The following ANO2 variants were observed in gnomAD, a reference collection of about 807,000 sequenced individuals.
ANO2 encodes anoctamin-2.
In ANO2, 101 loss-of-function variants were observed where a neutral mutation model predicts 124.2. That is an observed-to-expected ratio of 0.81 (90% CI 0.69 to 0.96). The LOEUF is 0.96. ANO2 is among the 40% of genes least tolerant of loss of function. ANO2 has a pLI of 0.00. For synonymous variants in ANO2, 486 were observed against 482.5 expected (o/e 1.01, Z -0.09); for missense variants, 1,293 against 1,274.5 (o/e 1.01, Z -0.22).
chr12:5,921,267 G>C lies in ANO2; in HGVS notation c.307C>G (p.Leu103Val). The C allele has an allele frequency of 6.2e-7, 1 of 1,614,038 alleles. No homozygotes were observed. Among genetic ancestry groups the C allele is most frequent in the African/African-American group, 1.3e-5 (1 of 75,058 alleles). ...CCGCGTTTCCGGTAGTGGTAGGCAA[G>C]TACATAGTCGACCTTCCTCTGACTG... ...HDSQRKVDYV[L>V]AYHYRKRGVH... Residue 103 changes from leucine to valine, a missense_variant, in exon 3 of 25, where the codon CTT becomes GTT. Physicochemically the swap from Leu to Val is conservative, Grantham distance 32. Coordinates refer to ENST00000682330, the MANE Select transcript of ANO2 (RefSeq NM_001364791.2).
At chr12:5,945,142 C>T (rs1173101384) in intron 1 of ANO2, 54 bp downstream of exon 1, 1 of 1,277,744 alleles carries the variant, frequency 7.8e-7, no homozygotes, top group African/African-American at 1.5e-5. Context: ...TCCTTCACTC[C>T]CTCCCTCCTA....
chr12:5,818,739 C>G (rs938026850), intron 7 of ANO2, among the ~76,000 whole-genome samples: 9 of 151,754 alleles, frequency 5.9e-5, no homozygotes, highest in African/African-American at 2.2e-4. Context: ...GAGAGTTATG[C>G]AAAATAAATG....
intron 7 of ANO2, among the ~76,000 whole-genome samples, chr12:5,826,500 TTC>T (rs1321507371): frequency 2.0e-5 from 3 of 150,616 alleles, no homozygotes; most frequent in Non-Finnish European, 4.4e-5. Flanking sequence ...TATATAAAAT[TTC>T]TCTGTTTTTT....
chr12:5,774,872 C>T (rs1470883076), intron 10 of ANO2, among the ~76,000 whole-genome samples: 1 of 152,232 alleles, frequency 6.6e-6, no homozygotes. Context: ...GTCAGTTCTG[C>T]ACCTAGGCAT....
At position 5,862,428 on chromosome 12, in the gene ANO2, G is replaced by A. The variant is rs1955298171; in HGVS notation, c.535-8287C>T. On this transcript the variant is annotated intron_variant, in intron 3 of 24. Transcript: ENST00000682330. The surrounding 1 kb of genome is among the most constrained non-coding windows in gnomAD (Gnocchi z 4.0). ...AGCCACTTTTGTCGTATTTCTGGGT[G>A]CCAACCTGGACAGACACGCAGAACG... Among the ~76,000 whole-genome samples the A allele has an allele frequency of 6.6e-6, 1 of 152,218 alleles. No homozygotes were observed.
intron 3 of ANO2, among the ~76,000 whole-genome samples, chr12:5,918,529 T>G (rs1659457780): frequency 7.0e-6 from 1 of 143,736 alleles, no homozygotes; most frequent in African/African-American, 2.6e-5. Context: ...AACCTCCACC[T>G]CCCGGGTTCA....
intron 14 of ANO2, among the ~76,000 whole-genome samples, chr12:5,649,172 G>A (rs998258571): frequency 1.3e-5 from 2 of 152,144 alleles, no homozygotes; most frequent in Non-Finnish European, 1.5e-5. Flanking sequence ...GGGTTATCTT[G>A]GGAGCGAGCC....
intron 4 of ANO2, among the ~76,000 whole-genome samples, chr12:5,851,633 C>T (rs536489070): frequency 9.6e-5 from 14 of 146,436 alleles, no homozygotes; most frequent in African/African-American, 3.0e-4. Context: ...TGCAGTGAGC[C>T]GAGATCACAC....
chr12:5,880,852 G>GTGGATGGA (rs61039611), intron 3 of ANO2, among the ~76,000 whole-genome samples: 58,135 of 116,640 alleles, frequency 0.5, 13,867 homozygotes, highest in South Asian at 0.62. Flanking sequence ...GGGTGGGTGG[G>GTGGATGGA]TGGATAGATG....
Position 5,750,855 on chromosome 12 carries a change from T to C in ANO2, c.1171A>G (p.Ile391Val), listed in dbSNP as rs758023313. 11 of 1,612,318 alleles carry C rather than the reference T, an allele frequency of 6.8e-6. No individual in the cohort carries two copies. The highest frequency in any genetic ancestry group is 6.6e-5 in the South Asian group (6 of 90,442). Reference sequence around the variant, plus strand: ...ATTTACCTGGGAATATCTTCTTCAATTGTTGCACATCCATAAAGAAACACA... The same window carrying C: ...ATTTACCTGGGAATATCTTCTTCAACTGTTGCACATCCATAAAGAAACACA... ...VIVFLYGCAT[I>V]EEDIPSREMC... is the part of the protein sequence containing the mutation. The change falls in exon 11 of 25, where the codon ATT becomes GTT. Residue 391 changes from isoleucine (I) to valine (V), a missense_variant. Ile to Val is a conservative substitution (Grantham distance 29). Transcript: ENST00000682330.
intron 3 of ANO2, among the ~76,000 whole-genome samples, chr12:5,855,821 A>C (rs1289799543): frequency 1.3e-5 from 2 of 152,254 alleles, no homozygotes; most frequent in Non-Finnish European, 2.9e-5. Context: ...TGACATGGTC[A>C]CTCAGGATAA....
chr12:5,717,450 T>C (rs979901665), intron 14 of ANO2, among the ~76,000 whole-genome samples: 1 of 152,206 alleles, frequency 6.6e-6, no homozygotes, highest in African/African-American at 2.4e-5. Context: ...AGGTTTGTTC[T>C]AAAGAGATTA....
intron 20 of ANO2, among the ~76,000 whole-genome samples, chr12:5,599,040 A>T (rs888825021): frequency 6.6e-6 from 1 of 152,208 alleles, no homozygotes; most frequent in Non-Finnish European, 1.5e-5. Context: ...ATATTCTCCA[A>T]GTCAAAATGT....
chr12:5,677,158 G>A (rs538153184), intron 14 of ANO2, among the ~76,000 whole-genome samples: 11 of 152,204 alleles, frequency 7.2e-5, no homozygotes, highest in African/African-American at 2.4e-4. Context: ...AAAAGGAAGA[G>A]GCTCCATGAT....
At chr12:5,715,837 C>T (rs1950004801) in intron 14 of ANO2, among the ~76,000 whole-genome samples, 1 of 152,180 alleles carries the variant, frequency 6.6e-6, no homozygotes, top group South Asian at 2.1e-4. Flanking sequence ...TGATATAATG[C>T]TCCTGAAATA....
chr12:5,565,769 C>G, intron 23 of ANO2, 106 bp from the exon 24 acceptor site: 1 of 861,070 alleles, frequency 1.2e-6, no homozygotes, highest in South Asian at 1.9e-5. Flanking sequence ...GGCACGCATG[C>G]CCTTGGCATT....
chr12:5,636,904 T>C lies in ANO2; in HGVS notation c.1621-1557A>G, dbSNP rs1159065166. On this transcript the variant is annotated intron_variant, in intron 15 of 24. Coordinates refer to ENST00000682330, the MANE Select transcript of ANO2 (RefSeq NM_001364791.2). This position sits in a 1 kb window ranked among gnomAD's most constrained non-coding sequence, Gnocchi z 4.6. ...GGTAGGCTTCAAAAAATACCAGTAA[T>C]TGCCCTATGGGCCGTGTTGTGAAAA... Among the ~76,000 whole-genome samples, 6 of 152,212 alleles carry C rather than the reference T, an allele frequency of 3.9e-5. No individual in the cohort carries two copies. The East Asian group carries it at 1.2e-3, about 29-fold the overall frequency.
chr12:5,699,675 GTGC>G (rs200193796), intron 14 of ANO2, among the ~76,000 whole-genome samples: 17,945 of 152,160 alleles, frequency 0.12, 1,156 homozygotes, highest in African/African-American at 0.17. Flanking sequence ...ACCCATCAGT[GTGC>G]TGTATTCAGG....
chr12:5,661,688 G>C (rs771135613), intron 14 of ANO2, among the ~76,000 whole-genome samples: 11 of 152,134 alleles, frequency 7.2e-5, no homozygotes, highest in Non-Finnish European at 1.2e-4. Flanking sequence ...CTAATCCATG[G>C]AATCACATGG....
Sources: allele counts gnomAD v4.1 joint callset (sites outside exome capture counted in the v4.1 genomes callset), GRCh38; gene constraint gnomAD v4.1.1; non-coding constraint Gnocchi (gnomAD v3.1); transcripts MANE v1.5; gene names NCBI Gene and HGNC (gene_info 2026-07-23, HGNC 2026-07-21).